The following ZNF106 variants were observed in gnomAD, a reference collection of about 807,000 sequenced individuals.
The protein encoded by ZNF106 is SH3-domain binding protein 3.
A neutral mutation model predicts 195.1 loss-of-function variants in ZNF106; 67 were observed. The ratio of observed to expected loss-of-function variants is 0.34; its 90% CI spans 0.28 to 0.42. ZNF106 has a LOEUF of 0.42. Among genes scored for constraint, ZNF106 ranks in the 10% least tolerant of loss-of-function variants. The pLI, the probability that ZNF106 is intolerant of heterozygous loss-of-function variation, is 1.00. For synonymous variants in ZNF106, 784 were observed against 818.6 expected, an observed-to-expected ratio of 0.96 and a Z score of 0.72; for missense variants, 2,118 against 2,304.5, an observed-to-expected ratio of 0.92 and a Z score of 1.66.
In ZNF106 at chr15:42,438,633, T is replaced by G. The variant is rs779277657; in HGVS notation, c.4579A>C (p.Lys1527Gln). Reference sequence around the variant, plus strand: ...ATACCTGAAGAATTCTTTGATCCTTTTATGGAGGAGATCACAGTCTGAGTT... The same window carrying G: ...ATACCTGAAGAATTCTTTGATCCTTGTATGGAGGAGATCACAGTCTGAGTT... ...AETQTVISSI[K>Q]GSKNSSEISS... Residue 1527 changes from lysine (K) to glutamine (Q), a missense_variant, in exon 12 of 22, where the codon AAA (lysine) becomes CAA (glutamine). Lys to Gln is a moderately conservative substitution (Grantham distance 53). Transcript: ENST00000564754. 2 of 1,613,692 alleles carry G rather than the reference T, an allele frequency of 1.2e-6. No individual in the cohort carries two copies. The highest frequency in any genetic ancestry group is 3.3e-5 in the Admixed American group (2 of 59,994).
At chr15:42,459,350 C>T (rs1395523873) in intron 3 of ZNF106, among the ~76,000 whole-genome samples, 1 of 152,010 alleles carries the variant, frequency 6.6e-6, no homozygotes, top group Non-Finnish European at 1.5e-5. Context: ...GTGGCGGGCA[C>T]CTGTAATCCC....
chr15:42,452,715 T>C (rs2056085723), intron 4 of ZNF106, among the ~76,000 whole-genome samples: 1 of 145,204 alleles, frequency 6.9e-6, no homozygotes, highest in African/African-American at 2.6e-5. Context: ...AGACAGAGTC[T>C]TGCACTGTTG....
chr15:42,437,508 CT>C, intron 12 of ZNF106, 131 bp from the exon 13 acceptor site: 2 of 1,039,812 alleles, frequency 1.9e-6, no homozygotes, highest in East Asian at 2.6e-5. Context: ...CTTAGTTCCC[CT>C]ATCAGACTAC....
Position 42,439,668 on chromosome 15 carries a change from G to A in ZNF106, c.3909C>T (p.Pro1303=), listed in dbSNP as rs763729703. ...QRNTRNRENS[P]SSQSAGLSSI... ...TAGAAAGACCAGCTGATTGGGAAGAGGGAGAGTTTTCTCTGTTTCTGGTAT... is the reference window on the plus strand; with the variant it reads ...TAGAAAGACCAGCTGATTGGGAAGAAGGAGAGTTTTCTCTGTTTCTGGTAT... Residue 1303 remains proline, a synonymous_variant, in exon 11 of 22, where the codon CCC becomes CCT. Transcript: ENST00000564754. 3 of 1,613,886 alleles carry A rather than the reference G, an allele frequency of 1.9e-6. No homozygotes were observed. The highest frequency in any genetic ancestry group is 1.1e-5 in the South Asian group (1 of 91,052).
At chr15:42,445,960 G>A (rs2055755161) in intron 7 of ZNF106, among the ~76,000 whole-genome samples, 1 of 152,130 alleles carries the variant, frequency 6.6e-6, no homozygotes, top group Non-Finnish European at 1.5e-5. Context: ...GGGGCAGCGG[G>A]GAAGCAACCA....
intron 20 of ZNF106, among the ~76,000 whole-genome samples, chr15:42,420,830 C>T (rs1363842596): frequency 2.0e-5 from 3 of 152,172 alleles, no homozygotes; most frequent in African/African-American, 7.2e-5. Context: ...CCAAAATAAG[C>T]ACTTCCGCTT....
Position 42,414,543 on chromosome 15 carries a change from C to T in ZNF106, c.*2761G>A, listed in dbSNP as rs565257833. The T allele has an allele frequency of 8.5e-5, 13 of 152,388 alleles. No individual in the cohort carries two copies. Among genetic ancestry groups the T allele is most frequent in the African/African-American group, 2.9e-4 (12 of 41,586 alleles). 9.4% of individuals were successfully genotyped at this position (152,388 alleles called of 1,614,324 possible). A position where few individuals can be genotyped will look rare whatever the true frequency, so the allele number is the denominator to read the frequency against. The stretch of plus-strand genomic sequence containing the variant: ...ACCTGCACACTTGCACACACACAGG[C>T]AGGTATAGGCACACAGTTCCACCAA... On this transcript the variant is annotated 3_prime_UTR_variant, in exon 22 of 22. Transcript: ENST00000564754.
Position 42,417,034 on chromosome 15 carries a change from G to A in ZNF106, c.*270C>T, listed in dbSNP as rs76187877. ...TATCTTCAATAAACATCTGGAGAAC[G>A]CAAATAGCATATATCACTATATGCC... On this transcript the variant is annotated 3_prime_UTR_variant, in exon 22 of 22. Coordinates refer to ENST00000564754, the MANE Select transcript of ZNF106 (RefSeq NM_001366845.3). 1,454 of 327,738 alleles carry A rather than the reference G, an allele frequency of 4.4e-3. 21 individuals are homozygous for A. The highest frequency in any genetic ancestry group is 0.029 in the African/African-American group (1,358 of 46,994). 20.3% of individuals were successfully genotyped at this position (327,738 alleles called of 1,614,324 possible).
chr15:42,439,608 G>A lies in ZNF106; in HGVS notation c.3969C>T (p.Gly1323=). ...INKEGEEPTK[G]NSGSEACTSS... ...TGGTACAGGCTTCAGACCCACTATTGCCTTTGGTTGGCTCTTCCCCTTCTT... is the reference window on the plus strand; with the variant it reads ...TGGTACAGGCTTCAGACCCACTATTACCTTTGGTTGGCTCTTCCCCTTCTT... Residue 1323 remains glycine, a synonymous_variant, in exon 11 of 22, where the codon GGC becomes GGT. Coordinates refer to ENST00000564754, the MANE Select transcript of ZNF106 (RefSeq NM_001366845.3). The A allele has an allele frequency of 6.2e-7, 1 of 1,613,984 alleles. No individual in the cohort carries two copies. The highest frequency in any genetic ancestry group is 8.5e-7 in the Non-Finnish European group (1 of 1,179,964).
rs2055952603 is a variant in ZNF106, at chr15:42,450,332, T to C, written c.1940A>G (p.Glu647Gly). 8 of 1,614,206 alleles carry C rather than the reference T, an allele frequency of 5.0e-6. No individual in the cohort carries two copies. Among genetic ancestry groups the C allele is most frequent in the Non-Finnish European group, 6.8e-6 (8 of 1,180,030 alleles). The change falls in exon 5 of 22, where the codon GAG becomes GGG. Residue 647 changes from glutamate (E) to glycine (G), a missense_variant. By Grantham distance (98) the Glu-to-Gly change is moderately conservative (BLOSUM62 -2). Transcript: ENST00000564754. The stretch of plus-strand genomic sequence containing the variant: ...CAGGATGCGGTCATCCTCCTCTTTC[T>C]CATCAGCAGTTCGAGTGCTGCCAGA... ...LLSGSTRTAD[E>G]KEEDDRILKT... is the part of the protein sequence containing the mutation.
Position 42,421,989 on chromosome 15 carries a change from C to T in ZNF106, c.5374-1G>A. The stretch of plus-strand genomic sequence containing the variant: ...CATAAACTTGTAATCGATCATGAGA[C>T]TTAGGCAGAAAAAAAAAAAGAGAAT... On this transcript the variant is annotated splice_acceptor_variant, in intron 18 of 21. Transcript: ENST00000564754. LOFTEE classifies it high-confidence loss of function. 6.4e-7 allele frequency: 1 copy of T among 1,568,602 alleles called. No homozygotes were observed. Among genetic ancestry groups the T allele is most frequent in the South Asian group, 1.2e-5 (1 of 85,852 alleles).
Position 42,416,971 on chromosome 15 carries a change from T to C in ZNF106, c.*333A>G, listed in dbSNP as rs2054480521. 1 of 197,348 alleles carries C rather than the reference T, an allele frequency of 5.1e-6. No individual in the cohort carries two copies. Among genetic ancestry groups the C allele is most frequent in the Admixed American group, 5.9e-5 (1 of 16,958 alleles). 12.2% of individuals were successfully genotyped at this position (197,348 alleles called of 1,614,324 possible). On this transcript the variant is annotated 3_prime_UTR_variant, in exon 22 of 22. Transcript: ENST00000564754. ...CAAACTGAAATCAATAAAATATACATATGATTAGGGTCAAACTGGGTAACC... is the reference window on the plus strand; with the variant it reads ...CAAACTGAAATCAATAAAATATACACATGATTAGGGTCAAACTGGGTAACC...
rs116669105 is a variant in ZNF106 at position 42,461,191 on chromosome 15, T to C, written c.117-4033A>G. ...CACAACAGGCATTCATGCTTCAACA[T>C]AGTGTTTGGGAAACCATGTTTTAAA... On this transcript the variant is annotated intron_variant, in intron 3 of 21. Coordinates refer to ENST00000564754, the MANE Select transcript of ZNF106 (RefSeq NM_001366845.3). 5.5e-3 allele frequency among the ~76,000 whole-genome samples: 839 copies of C among 152,336 alleles called. 5 individuals carry two copies. The highest frequency in any genetic ancestry group is 0.019 in the African/African-American group (794 of 41,572).
At chr15:42,477,663 TG>T (rs1173268666) in intron 1 of ZNF106, among the ~76,000 whole-genome samples, 1 of 152,054 alleles carries the variant, frequency 6.6e-6, no homozygotes, top group African/African-American at 2.4e-5. Context: ...CTGAGGCAGG[TG>T]GATCACCTGA....
chr15:42,487,101 G>A (rs907534511), intron 1 of ZNF106, among the ~76,000 whole-genome samples: 4 of 152,056 alleles, frequency 2.6e-5, no homozygotes, highest in Admixed American at 6.6e-5. Flanking sequence ...AGTGAGCAGA[G>A]ATCGTGCCAT....
intron 2 of ZNF106, among the ~76,000 whole-genome samples, chr15:42,470,472 G>T (rs1035565438): frequency 2.0e-5 from 3 of 151,012 alleles, no homozygotes; most frequent in South Asian, 2.1e-4. Context: ...AAATAAAAAG[G>T]CAAAAAATAA....
At position 42,439,167 on chromosome 15, in the gene ZNF106, T is replaced by C. The variant is rs2055401204; in HGVS notation, c.4410A>G (p.Lys1470=). ...TATCCTTTTTAGATGGGCTGTCTGG[T>C]TTCTCTTCTCCTGATTCTGAAGAAT... ...AIDSSESGEE[K]PDSPSKKDIW... Residue 1470 remains lysine, a synonymous_variant, in exon 11 of 22, where the codon AAA becomes AAG. Coordinates refer to ENST00000564754, the MANE Select transcript of ZNF106 (RefSeq NM_001366845.3). The C allele has an allele frequency of 6.2e-7, 1 of 1,614,016 alleles. No homozygotes were observed. Among genetic ancestry groups the C allele is most frequent in the East Asian group, 2.2e-5 (1 of 44,874 alleles).
In ZNF106 at chr15:42,424,040, G is replaced by A; in HGVS notation, c.5211C>T (p.Phe1737=). 1.2e-6 allele frequency: 2 copies of A among 1,613,292 alleles called. No individual in the cohort carries two copies. Among genetic ancestry groups the A allele is most frequent in the South Asian group, 1.1e-5 (1 of 90,872 alleles). ...LCMKVVNDLV[F]SGSSDQSVHA... is the part of the protein sequence containing the mutation. ...GGACTGACTGATCACTGGAGCCACT[G>A]AACACGAGATCATTCACCACCTTAA... Residue 1737 remains phenylalanine (F), a synonymous_variant, in exon 17 of 22, where the codon TTC becomes TTT. Coordinates refer to ENST00000564754, the MANE Select transcript of ZNF106 (RefSeq NM_001366845.3).
At chr15:42,446,750 C>T in intron 6 of ZNF106, 92 bp from the exon 7 acceptor site, 1 of 1,064,768 alleles carries the variant, frequency 9.4e-7, no homozygotes. Context: ...TAGCCATACA[C>T]TGTTCTTCAC....
Sources: gnomAD v4.1 joint callset for allele counts (sites outside exome capture counted in the v4.1 genomes callset) on GRCh38, gnomAD v4.1.1 for gene constraint, MANE v1.5 for transcripts, NCBI Gene and HGNC (gene_info 2026-07-23, HGNC 2026-07-21) for gene names.